Variants in STXBP3 observed in about 807,000 individuals in gnomAD.
The protein encoded by STXBP3 is syntaxin binding protein 3, also known as syntaxin-binding protein 3.
A neutral mutation model predicts 85.7 loss-of-function variants in STXBP3; 41 were observed. The ratio of observed to expected loss-of-function variants is 0.48; its 90% confidence interval spans 0.37 to 0.62. STXBP3 has a LOEUF of 0.62. Among genes scored for constraint, STXBP3 ranks in the 20% least tolerant of loss-of-function variants. The pLI is 0.00. For missense variants in STXBP3, 563 were observed against 703.1 expected (o/e 0.80, Z 2.25); for synonymous variants, 229 against 231.7 (o/e 0.99, Z 0.10).
intron 12 of STXBP3, 27 bp downstream of exon 12, chr1:108,793,674 T>C (rs1267047723): frequency 6.4e-7 from 1 of 1,572,764 alleles, no homozygotes; most frequent in Non-Finnish European, 8.7e-7. Flanking sequence ...ATGAGATACC[T>C]GATTAGTTTT....
intron 4 of STXBP3, 81 bp from the exon 5 acceptor site, chr1:108,758,429 A>G (rs1662063852): frequency 1.4e-6 from 1 of 708,866 alleles, no homozygotes; most frequent in African/African-American, 1.9e-5. Context: ...ACTGAAATAA[A>G]ATAATCTTAG....
intron 6 of STXBP3, among the ~76,000 whole-genome samples, chr1:108,764,336 T>C (rs965020703): frequency 6.6e-6 from 1 of 152,188 alleles, no homozygotes; most frequent in Non-Finnish European, 1.5e-5. Flanking sequence ...GTCTTTGCTA[T>C]TGTGAATAGT....
chr1:108,778,847 C>G (rs1480139283), intron 8 of STXBP3, among the ~76,000 whole-genome samples: 3 of 152,146 alleles, frequency 2.0e-5, no homozygotes, highest in African/African-American at 4.8e-5. Flanking sequence ...ATACCAAAAT[C>G]CACACATACT....
rs558032661 is a variant in STXBP3 at position 108,762,180 on chromosome 1, A to C, written c.438+2095A>C. ...AAATGCAAAGCAGTCTACTGTGAAAAGATGAGCAAGATATATGTCCTACCC... is the reference window on the plus strand; with the variant it reads ...AAATGCAAAGCAGTCTACTGTGAAACGATGAGCAAGATATATGTCCTACCC... On this transcript the variant is annotated intron_variant, in intron 6 of 18. Transcript: ENST00000370008. 2.0e-5 allele frequency among the ~76,000 whole-genome samples: 3 copies of C among 152,356 alleles called. No homozygotes were observed. In the East Asian group the frequency reaches 5.8e-4, roughly 29 times the overall value.
At chr1:108,799,497 C>A (rs570984228) in intron 16 of STXBP3, among the ~76,000 whole-genome samples, 103 of 152,236 alleles carry the variant, frequency 6.8e-4, no homozygotes, top group African/African-American at 2.4e-3. Flanking sequence ...TTTAGAATTT[C>A]TCCTGAAACT....
chr1:108,757,695 G>A (rs1662049817), intron 4 of STXBP3, among the ~76,000 whole-genome samples: 2 of 151,934 alleles, frequency 1.3e-5, no homozygotes, highest in Admixed American at 1.3e-4. Flanking sequence ...GATTGATACA[G>A]CCTTTTTGGA....
chr1:108,800,279 A>G lies in STXBP3; in HGVS notation c.1509A>G (p.Ala503=), dbSNP rs746840334. The change falls in exon 17 of 19, where the codon GCA becomes GCG. Residue 503 remains alanine, a synonymous_variant. Transcript: ENST00000370008. ...GGCCATATTGTTCCCAGTGTCCAGC[A>G]GTATGGAATGGTTCAGGAGCTGTAA... The part of the protein sequence containing the change: ...KEWPYCSQCP[A]VWNGSGAVSA... The G allele has an allele frequency of 1.2e-5, 19 of 1,612,056 alleles. No individual in the cohort carries two copies. Among genetic ancestry groups the G allele is most frequent in the South Asian group, 3.3e-5 (3 of 91,038 alleles).
chr1:108,796,495 A>C, intron 14 of STXBP3, 123 bp downstream of exon 14: 1 of 1,150,170 alleles, frequency 8.7e-7, no homozygotes, highest in Non-Finnish European at 1.2e-6. Flanking sequence ...TCGAGAGAAG[A>C]CTGAAGGAGA....
At position 108,782,899 on chromosome 1, in the gene STXBP3, T is replaced by G. The variant is rs192159710; in HGVS notation, c.963+193T>G. On this transcript the variant is annotated intron_variant, in intron 11 of 18. Transcript: ENST00000370008. ...TTGTCTGTCCTGCTTCATTAAAATT[T>G]TTTTATTTTATTTTATTTTTTGAGA... Among the ~76,000 whole-genome samples the G allele has an allele frequency of 3.2e-3, 481 of 152,306 alleles. 1 individual carries two copies. Among genetic ancestry groups the G allele is most frequent in the African/African-American group, 0.011 (471 of 41,578 alleles).
chr1:108,791,627 T>A (rs927666025), intron 11 of STXBP3, among the ~76,000 whole-genome samples: 8 of 152,164 alleles, frequency 5.3e-5, no homozygotes, highest in Admixed American at 4.6e-4. Context: ...TTCAGTCTGC[T>A]ATTAAACCCA....
intron 13 of STXBP3, among the ~76,000 whole-genome samples, chr1:108,795,355 A>T (rs968177165): frequency 5.9e-5 from 9 of 152,142 alleles, no homozygotes; most frequent in Non-Finnish European, 2.9e-5. Context: ...GGTAAAAATT[A>T]AAAAGTGCAA....
intron 17 of STXBP3, among the ~76,000 whole-genome samples, chr1:108,805,207 T>C (rs531210113): frequency 7.9e-4 from 121 of 152,322 alleles, no homozygotes; most frequent in African/African-American, 2.8e-3. Context: ...TCTTTTGCCT[T>C]CTTACTCTAT....
chr1:108,789,881 C>A (rs1162529193), intron 11 of STXBP3, among the ~76,000 whole-genome samples: 1 of 151,196 alleles, frequency 6.6e-6, no homozygotes, highest in African/African-American at 2.4e-5. Context: ...GCCTGGCCAA[C>A]ATGGCGAAAC....
chr1:108,782,802 A>G lies in STXBP3; in HGVS notation c.963+96A>G, dbSNP rs75960563. ...TATTTCTGTAACTTTTTATTTTTGG[A>G]AAGTTCTAACATGGAGGTAGAGAAT... On this transcript the variant is annotated intron_variant, in intron 11 of 18. Transcript: ENST00000370008. 1.0e-3 allele frequency: 1,222 copies of G among 1,217,948 alleles called. 12 individuals carry two copies. The East Asian group carries it at 0.023, about 23-fold the overall frequency. The allele number at this position is 1,217,948 out of a possible 1,614,324, so 75.4% of individuals were successfully genotyped here. A position where few individuals can be genotyped will look rare whatever the true frequency, so the allele number is the denominator to read the frequency against.
At position 108,764,930 on chromosome 1, in the gene STXBP3, G is replaced by A. The variant is rs115134019; in HGVS notation, c.438+4845G>A. Among the ~76,000 whole-genome samples the A allele has an allele frequency of 8.1e-3, 1,234 of 152,284 alleles. 11 individuals are homozygous for A. Among genetic ancestry groups the A allele is most frequent in the African/African-American group, 0.028 (1,147 of 41,560 alleles). On this transcript the variant is annotated intron_variant, in intron 6 of 18. Coordinates refer to ENST00000370008, the MANE Select transcript of STXBP3 (RefSeq NM_007269.4). ...TGCTTTTGTTGCAATTGCTTTTGGCGTCTTTGTCTTGAAATCTTTGCCAGT... is the reference window on the plus strand; with the variant it reads ...TGCTTTTGTTGCAATTGCTTTTGGCATCTTTGTCTTGAAATCTTTGCCAGT...
At chr1:108,762,238 T>C (rs1402796742) in intron 6 of STXBP3, among the ~76,000 whole-genome samples, 1 of 152,162 alleles carries the variant, frequency 6.6e-6, no homozygotes, top group African/African-American at 2.4e-5. Context: ...TTAAAAAGTA[T>C]TAGACATTTT....
Position 108,798,176 on chromosome 1 carries a change from G to A in STXBP3, c.1388G>A (p.Arg463Gln), listed in dbSNP as rs778203420. Residue 463 changes from arginine (R) to glutamine (Q), a missense_variant, in exon 16 of 19, where the codon CGG becomes CAG. Arg to Gln is a conservative substitution (Grantham distance 43, BLOSUM62 1). Coordinates refer to ENST00000370008, the MANE Select transcript of STXBP3 (RefSeq NM_007269.4). ...SQQGKPLRKD[R>Q]SAEETFQLSR... is the part of the protein sequence containing the mutation. ...CAAGGCAAACCGTTAAGAAAGGATC[G>A]GTCTGCAGAAGAAACTTTTCAGCTC... 4 of 1,609,488 alleles carry A rather than the reference G, an allele frequency of 2.5e-6. No homozygotes were observed. The highest frequency in any genetic ancestry group is 2.2e-5 in the East Asian group (1 of 44,638).
intron 17 of STXBP3, among the ~76,000 whole-genome samples, chr1:108,804,281 CTG>C (rs1271688618): frequency 6.6e-6 from 1 of 152,100 alleles, no homozygotes; most frequent in African/African-American, 2.4e-5. Flanking sequence ...CTCTCTTACA[CTG>C]TGTCTCATCT....
chr1:108,760,828 T>A (rs1662124253), intron 6 of STXBP3, among the ~76,000 whole-genome samples: 1 of 152,204 alleles, frequency 6.6e-6, no homozygotes, highest in Non-Finnish European at 1.5e-5. Flanking sequence ...ATGATCAATA[T>A]TTTAAGGGAT....
Sources: allele counts gnomAD v4.1 joint callset (sites outside exome capture counted in the v4.1 genomes callset), GRCh38; gene constraint gnomAD v4.1.1; transcripts MANE v1.5; gene names NCBI Gene and HGNC (gene_info 2026-07-23, HGNC 2026-07-21).